Variants in EDIL3 observed in about 807,000 individuals in gnomAD.
EDIL3 encodes the protein EGF-like repeat and discoidin I-like domain-containing protein 3.
Under a neutral mutation model 67.4 loss-of-function variants are expected in EDIL3, and 37 were observed. The ratio of observed to expected loss-of-function variants is 0.55; its 90% CI spans 0.42 to 0.72. EDIL3 has a LOEUF of 0.72. Among genes scored for constraint, EDIL3 ranks in the 30% least tolerant of loss-of-function variants. EDIL3 has a pLI of 0.00. For synonymous variants in EDIL3, 195 were observed against 196.3 expected, an observed-to-expected ratio of 0.99 and a Z score of 0.05; for missense variants, 527 against 586.3, an observed-to-expected ratio of 0.90 and a Z score of 1.04.
At chr5:84,207,095 G>A (rs1284219951) in intron 3 of EDIL3, among the ~76,000 whole-genome samples, 1 of 152,110 alleles carries the variant, frequency 6.6e-6, no homozygotes, top group East Asian at 1.9e-4. Context: ...AGGAAAAGAG[G>A]GAGTCAAATT....
At chr5:84,381,629 GATTCATAGT>G (rs1439930109) in intron 1 of EDIL3, among the ~76,000 whole-genome samples, 1 of 152,132 alleles carries the variant, frequency 6.6e-6, no homozygotes, top group Non-Finnish European at 1.5e-5. Flanking sequence ...AAATGCCAAT[GATTCATAGT>G]ATTTAGGACA....
chr5:84,079,629 A>G (rs905395495), intron 6 of EDIL3, among the ~76,000 whole-genome samples: 2 of 151,844 alleles, frequency 1.3e-5, no homozygotes, highest in African/African-American at 4.8e-5. Context: ...TTTGCTTGGG[A>G]GCTGGCAATA....
At chr5:84,231,591 A>G (rs1310871377) in intron 2 of EDIL3, among the ~76,000 whole-genome samples, 1 of 152,008 alleles carries the variant, frequency 6.6e-6, no homozygotes, top group Non-Finnish European at 1.5e-5. Flanking sequence ...CAGAGTACAC[A>G]TTAGACAAGC....
At chr5:84,215,738 G>C (rs1301721389) in intron 3 of EDIL3, among the ~76,000 whole-genome samples, 1 of 152,150 alleles carries the variant, frequency 6.6e-6, no homozygotes, top group Non-Finnish European at 1.5e-5. Flanking sequence ...AGTCCTTCAG[G>C]CAATCCACCT....
chr5:84,183,792 G>A (rs993222465), intron 3 of EDIL3, among the ~76,000 whole-genome samples: 46 of 152,112 alleles, frequency 3.0e-4, no homozygotes, highest in Admixed American at 5.9e-4. Flanking sequence ...AGTCCTCTGC[G>A]AGTTCTTGAG....
intron 6 of EDIL3, among the ~76,000 whole-genome samples, chr5:84,075,129 C>T (rs1443114236): frequency 6.7e-6 from 1 of 150,264 alleles, no homozygotes; most frequent in Non-Finnish European, 1.5e-5. Context: ...TGTTCTCACT[C>T]ATAGGTGGGA....
intron 4 of EDIL3, among the ~76,000 whole-genome samples, chr5:84,160,808 TCCTTTCCTTTC>T (rs1169532188): frequency 1.3e-3 from 158 of 125,854 alleles, no homozygotes; most frequent in African/African-American, 4.8e-3. Context: ...TCCTTTCCTT[TCCTTTCCTTTC>T]CCTTTCCTTT....
intron 9 of EDIL3, among the ~76,000 whole-genome samples, chr5:83,970,103 C>G (rs1744764986): frequency 6.6e-6 from 1 of 151,500 alleles, no homozygotes; most frequent in Admixed American, 6.6e-5. Context: ...TCTATGAGAT[C>G]AACTTTTTTT....
intron 1 of EDIL3, among the ~76,000 whole-genome samples, chr5:84,337,833 A>G (rs1193699608): frequency 1.3e-5 from 2 of 152,130 alleles, no homozygotes; most frequent in Admixed American, 1.3e-4. Context: ...TTGAATAAGA[A>G]ATCATAATCA....
intron 2 of EDIL3, among the ~76,000 whole-genome samples, chr5:84,244,199 T>C (rs1192463156): frequency 6.6e-6 from 1 of 152,212 alleles, no homozygotes; most frequent in Non-Finnish European, 1.5e-5. Flanking sequence ...GAGATACCAA[T>C]AAGATTTGTA....
intron 6 of EDIL3, among the ~76,000 whole-genome samples, chr5:84,075,512 G>A (rs1407862518): frequency 6.6e-6 from 1 of 151,884 alleles, no homozygotes; most frequent in Non-Finnish European, 1.5e-5. Flanking sequence ...GTCTTCCTCT[G>A]TCACCCAGGC....
chr5:84,102,636 C>T (rs752969614), intron 6 of EDIL3, among the ~76,000 whole-genome samples: 6 of 150,132 alleles, frequency 4.0e-5, no homozygotes, highest in South Asian at 2.1e-4. Flanking sequence ...AAAAAAAAAA[C>T]GAAAAAACCC....
chr5:84,362,885 T>G (rs1178111099), intron 1 of EDIL3, among the ~76,000 whole-genome samples: 1 of 152,098 alleles, frequency 6.6e-6, no homozygotes, highest in Admixed American at 6.6e-5. Context: ...TAATAAAAAA[T>G]TAGTTTAAGA....
intron 3 of EDIL3, among the ~76,000 whole-genome samples, chr5:84,182,764 A>G (rs1749038468): frequency 6.6e-6 from 1 of 152,036 alleles, no homozygotes; most frequent in Admixed American, 6.6e-5. Flanking sequence ...TGACTTCCCG[A>G]TAGGACTGAT....
intron 1 of EDIL3, among the ~76,000 whole-genome samples, chr5:84,307,339 G>C (rs1190720470): frequency 6.6e-6 from 1 of 152,102 alleles, no homozygotes; most frequent in Non-Finnish European, 1.5e-5. Context: ...GGATGAGGAA[G>C]TGTGGTGCTG....
intron 1 of EDIL3, among the ~76,000 whole-genome samples, chr5:84,380,670 G>A (rs1411649480): frequency 6.6e-6 from 1 of 151,996 alleles, no homozygotes; most frequent in African/African-American, 2.4e-5. Flanking sequence ...TACACTAAAT[G>A]ATAATATATA....
At chr5:84,325,324 G>A (rs1477890493) in intron 1 of EDIL3, among the ~76,000 whole-genome samples, 2 of 151,816 alleles carry the variant, frequency 1.3e-5, no homozygotes. Context: ...ATGAGCAAAT[G>A]ATCTGGGTAG....
At chr5:84,334,204 G>T (rs1368492809) in intron 1 of EDIL3, among the ~76,000 whole-genome samples, 3 of 151,620 alleles carry the variant, frequency 2.0e-5, no homozygotes, top group African/African-American at 7.3e-5. Context: ...TGAGATTACA[G>T]GCACCCACCA....
chr5:84,239,163 ATTCTT>A (rs1486420524), intron 2 of EDIL3, among the ~76,000 whole-genome samples: 2 of 152,186 alleles, frequency 1.3e-5, no homozygotes, highest in African/African-American at 4.8e-5. Flanking sequence ...AGCTATTGTA[ATTCTT>A]TTCTTAACTG....
Sources: allele counts gnomAD v4.1 joint callset (sites outside exome capture counted in the v4.1 genomes callset), GRCh38; gene constraint gnomAD v4.1.1; transcripts MANE v1.5; gene names NCBI Gene and HGNC (gene_info 2026-07-23, HGNC 2026-07-21).